The following FER variants were observed in gnomAD, a reference collection of about 807,000 sequenced individuals.
FER encodes tyrosine-protein kinase Fer.
FER carries 63 observed loss-of-function variants against 111.0 expected under a neutral mutation model. The ratio of observed to expected loss-of-function variants is 0.57; its 90% CI spans 0.46 to 0.70. The LOEUF (loss-of-function observed/expected upper bound fraction) is 0.70. Among genes scored for constraint, FER ranks in the 30% least tolerant of loss-of-function variants. The pLI, the probability that FER is intolerant of heterozygous loss-of-function variation, is 0.00. For synonymous variants in FER, 327 were observed against 313.9 expected (o/e 1.04, Z -0.44); for missense variants, 914 against 954.0 (o/e 0.96, Z 0.55).
At chr5:109,097,287 C>G (rs1190175240) in intron 16 of FER, among the ~76,000 whole-genome samples, 1 of 151,806 alleles carries the variant, frequency 6.6e-6, no homozygotes, top group Non-Finnish European at 1.5e-5. Flanking sequence ...TAAGTATTGT[C>G]TTAGAAATTT....
At chr5:108,833,064 G>A (rs1428542777) in intron 4 of FER, 121 bp downstream of exon 4, 6 of 791,158 alleles carry the variant, frequency 7.6e-6, no homozygotes, top group South Asian at 2.2e-5. Flanking sequence ...ATAGGTTTAT[G>A]GTCTCTAATA....
At chr5:109,065,794 G>A (rs372697569) in intron 16 of FER, among the ~76,000 whole-genome samples, 1 of 152,088 alleles carries the variant, frequency 6.6e-6, no homozygotes. Flanking sequence ...GCTTTCATTT[G>A]TCCTTTCCTG....
At chr5:109,053,818 G>A (rs10059972) in intron 16 of FER, among the ~76,000 whole-genome samples, 4,136 of 151,202 alleles carry the variant, frequency 0.027, 91 homozygotes, top group Non-Finnish European at 0.041. Context: ...AGCCTCCCGA[G>A]TAGCTGGGAC....
chr5:108,905,875 A>G (rs760504391), intron 10 of FER, among the ~76,000 whole-genome samples: 11 of 152,198 alleles, frequency 7.2e-5, no homozygotes, highest in Admixed American at 4.6e-4. Context: ...TTCATCAAGT[A>G]TTTCCCACTT....
chr5:108,901,495 A>G (rs1291722689), intron 10 of FER, among the ~76,000 whole-genome samples: 1 of 152,130 alleles, frequency 6.6e-6, no homozygotes, highest in Non-Finnish European at 1.5e-5. Context: ...GAATCTTAAA[A>G]TTTTGGAATT....
chr5:108,798,476 T>C (rs1756290858), intron 3 of FER, 87 bp downstream of exon 3: 1 of 995,162 alleles, frequency 1.0e-6, no homozygotes, highest in African/African-American at 1.6e-5. Context: ...ATGAGCATAC[T>C]TAAGTCAGCA....
At chr5:108,751,758 C>G (rs1452885044) in intron 1 of FER, among the ~76,000 whole-genome samples, 1 of 152,186 alleles carries the variant, frequency 6.6e-6, no homozygotes, top group South Asian at 2.1e-4. Context: ...CGATAGGACT[C>G]AACGATCTTG....
intron 17 of FER, among the ~76,000 whole-genome samples, chr5:109,123,456 T>G (rs1186783930): frequency 1.3e-5 from 2 of 151,540 alleles, no homozygotes. Context: ...CACCCAGCCT[T>G]GTTTTTTTGT....
At chr5:108,931,880 A>G (rs1389566273) in intron 10 of FER, among the ~76,000 whole-genome samples, 1 of 152,148 alleles carries the variant, frequency 6.6e-6, no homozygotes, top group Non-Finnish European at 1.5e-5. Context: ...ACCAAGTTTT[A>G]TATATAATAT....
At chr5:108,868,623 C>T (rs56002991) in intron 6 of FER, among the ~76,000 whole-genome samples, 3,219 of 151,990 alleles carry the variant, frequency 0.021, 109 homozygotes, top group African/African-American at 0.074. Flanking sequence ...AAAATTGTGT[C>T]GGGGAATTCT....
intron 2 of FER, among the ~76,000 whole-genome samples, chr5:108,775,270 T>C (rs570795513): frequency 3.9e-5 from 6 of 152,314 alleles, no homozygotes; most frequent in African/African-American, 1.4e-4. Context: ...TTGGTACTAG[T>C]ACCATGAATG....
chr5:109,022,986 C>T lies in FER; in HGVS notation c.1657-14436C>T, dbSNP rs1489124070. Among the ~76,000 whole-genome samples the T allele has an allele frequency of 6.6e-5, 10 of 152,064 alleles. 1 individual carries two copies. The South Asian group carries it at 1.9e-3, about 28-fold the overall frequency. The stretch of plus-strand genomic sequence containing the variant: ...CTGGAGGGATTTAATGAGAGAATAG[C>T]AGGTTCTTAATTACATCTTTTTAAA... On this transcript the variant is annotated intron_variant, in intron 13 of 19. Coordinates refer to ENST00000281092, the MANE Select transcript of FER (RefSeq NM_005246.4).
intron 2 of FER, among the ~76,000 whole-genome samples, chr5:108,775,475 A>C (rs868507003): frequency 1.3e-5 from 2 of 152,220 alleles, no homozygotes; most frequent in African/African-American, 4.8e-5. Flanking sequence ...TTTGTTAATA[A>C]TTCTGCTCTC....
chr5:108,995,391 T>A (rs199662493), intron 13 of FER, among the ~76,000 whole-genome samples: 1 of 152,140 alleles, frequency 6.6e-6, no homozygotes, highest in Non-Finnish European at 1.5e-5. Flanking sequence ...ACATTAGGTA[T>A]TTCTCCTAAT....
chr5:109,081,876 A>G (rs1002158106), intron 16 of FER, among the ~76,000 whole-genome samples: 2 of 151,948 alleles, frequency 1.3e-5, no homozygotes, highest in African/African-American at 4.8e-5. Flanking sequence ...AAGTACTTTA[A>G]AGGTACTTGT....
At chr5:108,911,038 A>G (rs886096431) in intron 10 of FER, among the ~76,000 whole-genome samples, 3 of 152,062 alleles carry the variant, frequency 2.0e-5, no homozygotes, top group African/African-American at 7.2e-5. Context: ...TCTTTGAAAA[A>G]TTCTCCATGT....
intron 13 of FER, among the ~76,000 whole-genome samples, chr5:109,024,843 G>C (rs1768454122): frequency 1.3e-5 from 2 of 151,974 alleles, no homozygotes; most frequent in Admixed American, 6.6e-5. Context: ...CATATGGCTA[G>C]CCAGTTTTCC....
In FER at chr5:108,902,901, ATATT is replaced by A. The variant is rs140692614; in HGVS notation, c.1236+5078_1236+5081del. ...AGTAAACATCAGCTGCTTTCTTATT[ATATT>A]TATTTATTTATTTATTTATTTATTA... On this transcript the variant is annotated intron_variant, in intron 10 of 19. Coordinates refer to ENST00000281092, the MANE Select transcript of FER (RefSeq NM_005246.4). Among the ~76,000 whole-genome samples, 1,264 of 151,058 alleles carry A rather than the reference ATATT, an allele frequency of 8.4e-3. 24 individuals carry two copies. The highest frequency in any genetic ancestry group is 0.029 in the African/African-American group (1,188 of 41,258).
chr5:108,916,205 T>G (rs977992806), intron 10 of FER, among the ~76,000 whole-genome samples: 1 of 152,184 alleles, frequency 6.6e-6, no homozygotes, highest in Non-Finnish European at 1.5e-5. Flanking sequence ...TCTTCCTTTA[T>G]AGTTTAATAA....
Sources: gnomAD v4.1 joint callset for allele counts (sites outside exome capture counted in the v4.1 genomes callset) on GRCh38, gnomAD v4.1.1 for gene constraint, MANE v1.5 for transcripts, NCBI Gene and HGNC (gene_info 2026-07-23, HGNC 2026-07-21) for gene names.